The following SV2C variants were observed in gnomAD, a reference collection of about 807,000 sequenced individuals.
SV2C encodes the protein solute carrier family 22 member B3.
A neutral mutation model predicts 79.7 loss-of-function variants in SV2C; 49 were observed. That is an observed-to-expected ratio of 0.61 (90% CI 0.49 to 0.78). The LOEUF (loss-of-function observed/expected upper bound fraction) is 0.78. Among genes scored for constraint, SV2C ranks in the 30% least tolerant of loss-of-function variants. The pLI is 0.00. For missense variants in SV2C, 833 were observed against 912.9 expected (o/e 0.91, Z 1.13); for synonymous variants, 334 against 333.2 (o/e 1.00, Z -0.03).
At chr5:76,353,165 G>A (rs1279779425) in exon 13 of SV2C, 1 of 445,506 alleles carries the variant, frequency 2.2e-6, no homozygotes, top group Non-Finnish European at 4.5e-6. Context: ...GGCTGATCTT[G>A]AACTCCTGGC....
chr5:75,848,157 A>T, the SV2C span, among the ~76,000 whole-genome samples: 3 of 152,186 alleles, frequency 2.0e-5, no homozygotes, highest in Non-Finnish European at 4.4e-5. Context: ...GAAGGTCTTC[A>T]CTGAAAGAAT....
At chr5:76,244,324 A>G (rs988024905) in intron 4 of SV2C, among the ~76,000 whole-genome samples, 1 of 152,234 alleles carries the variant, frequency 6.6e-6, no homozygotes, top group Non-Finnish European at 1.5e-5. Flanking sequence ...TGTTGTACAC[A>G]AAACATGGTG....
intron 3 of SV2C, among the ~76,000 whole-genome samples, chr5:76,204,306 T>A (rs1219615958): frequency 6.6e-6 from 1 of 152,238 alleles, no homozygotes; most frequent in South Asian, 2.1e-4. Context: ...TTATTTGTAA[T>A]TGTGATTCCT....
At chr5:76,065,861 G>A in the SV2C span, among the ~76,000 whole-genome samples, 23 of 152,220 alleles carry the variant, frequency 1.5e-4, no homozygotes, top group South Asian at 4.1e-4. Context: ...ACAGCTTTGC[G>A]GGCAATGTTT....
the SV2C span, chr5:75,911,139 G>C: frequency 6.3e-7 from 1 of 1,580,044 alleles, no homozygotes; most frequent in Non-Finnish European, 8.7e-7. Flanking sequence ...AGGAAATAGA[G>C]AAGGAAGGAT....
At chr5:75,904,402 G>A in the SV2C span, among the ~76,000 whole-genome samples, 2 of 116,400 alleles carry the variant, frequency 1.7e-5, no homozygotes, top group African/African-American at 1.2e-4. Flanking sequence ...AACAAACCCA[G>A]AGAGAGAGAG....
the SV2C span, among the ~76,000 whole-genome samples, chr5:75,943,226 C>T: frequency 4.6e-5 from 7 of 152,262 alleles, no homozygotes; most frequent in South Asian, 4.1e-4. Context: ...CTCAAGCTCA[C>T]GCTATTGCTT....
At chr5:76,023,353 C>T in the SV2C span, among the ~76,000 whole-genome samples, 1 of 152,194 alleles carries the variant, frequency 6.6e-6, no homozygotes, top group Admixed American at 6.5e-5. Context: ...TCCTTCGTTT[C>T]CAAAGGATCA....
chr5:75,918,556 C>T, the SV2C span, among the ~76,000 whole-genome samples: 1,664 of 152,312 alleles, frequency 0.011, 23 homozygotes, highest in African/African-American at 0.036. Context: ...ACAAAACAGA[C>T]CTAATGGTTT....
At chr5:76,025,362 A>G in the SV2C span, among the ~76,000 whole-genome samples, 1 of 152,122 alleles carries the variant, frequency 6.6e-6, no homozygotes, top group African/African-American at 2.4e-5. Flanking sequence ...AGTCTGAATA[A>G]GACAGCCAGG....
intron 2 of SV2C, among the ~76,000 whole-genome samples, chr5:76,157,991 T>A (rs1044005881): frequency 2.6e-5 from 4 of 151,722 alleles, no homozygotes; most frequent in African/African-American, 9.7e-5. Context: ...TCTGATAAGA[T>A]GTATCTGAGA....
the SV2C span, among the ~76,000 whole-genome samples, chr5:75,855,372 T>C: frequency 7.2e-5 from 11 of 152,174 alleles, no homozygotes; most frequent in African/African-American, 2.4e-4. Flanking sequence ...GTGATCTTGC[T>C]GAGTTAACAA....
At chr5:75,889,073 T>TA in the SV2C span, among the ~76,000 whole-genome samples, 1 of 152,100 alleles carries the variant, frequency 6.6e-6, no homozygotes. Flanking sequence ...AGTTCCACCC[T>TA]AGTGACCACA....
chr5:76,129,104 T>G (rs1748800318), intron 1 of SV2C, among the ~76,000 whole-genome samples: 1 of 152,212 alleles, frequency 6.6e-6, no homozygotes, highest in East Asian at 1.9e-4. Flanking sequence ...AGTACAAACT[T>G]GGGGTTTTGG....
intron 4 of SV2C, among the ~76,000 whole-genome samples, chr5:76,236,049 A>G (rs56179509): frequency 0.12 from 17,871 of 152,138 alleles, 3,065 homozygotes; most frequent in African/African-American, 0.38. Flanking sequence ...TAGCTGAGCC[A>G]TTTCTTCTCT....
intron 12 of SV2C, among the ~76,000 whole-genome samples, chr5:76,301,908 C>CAAAAAA (rs11436839): frequency 9.7e-5 from 4 of 41,376 alleles, no homozygotes; most frequent in East Asian, 8.8e-4. Flanking sequence ...GACACCATCT[C>CAAAAAA]AAAAAAAAAA....
intron 12 of SV2C, among the ~76,000 whole-genome samples, chr5:76,340,201 A>C (rs193217244): frequency 1.3e-5 from 2 of 152,366 alleles, no homozygotes; most frequent in East Asian, 3.9e-4. Flanking sequence ...CCTCAGTTAC[A>C]GGAATTGTCC....
intron 4 of SV2C, among the ~76,000 whole-genome samples, chr5:76,277,920 G>C (rs1366380678): frequency 6.6e-6 from 1 of 152,210 alleles, no homozygotes; most frequent in African/African-American, 2.4e-5. Flanking sequence ...GGAATGTTTT[G>C]AGGTAATGAA....
intron 1 of SV2C, among the ~76,000 whole-genome samples, chr5:76,119,283 C>T (rs1357869834): frequency 6.6e-6 from 1 of 152,204 alleles, no homozygotes; most frequent in African/African-American, 2.4e-5. Context: ...ATGCTAAACC[C>T]CCTCTTTCCA....
Sources: allele counts gnomAD v4.1 joint callset (sites outside exome capture counted in the v4.1 genomes callset), GRCh38; gene constraint gnomAD v4.1.1; transcripts MANE v1.5; gene names NCBI Gene and HGNC (gene_info 2026-07-23, HGNC 2026-07-21).